Variants in HEATR1 observed in about 807,000 individuals in gnomAD.
HEATR1 encodes the protein HEAT repeat containing 1.
Under a neutral mutation model 248.2 loss-of-function variants are expected in HEATR1, and 77 were observed. That is an observed-to-expected ratio of 0.31 (90% CI 0.26 to 0.37). The LOEUF (loss-of-function observed/expected upper bound fraction) is 0.37, where lower values mean the gene tolerates loss of function less well. Among genes scored for constraint, HEATR1 ranks in the 10% least tolerant of loss-of-function variants. The pLI is 1.00. For synonymous variants in HEATR1, 897 were observed against 923.1 expected (o/e 0.97, Z 0.51); for missense variants, 2,420 against 2,504.9 (o/e 0.97, Z 0.72).
chr1:236,550,972 TCTA>T lies in HEATR1; in HGVS notation c.6362_6364del (p.Val2121del). The T allele has an allele frequency of 6.3e-7, 1 of 1,589,790 alleles. No homozygotes were observed. The highest frequency in any genetic ancestry group is 1.4e-5 in the African/African-American group (1 of 72,778). The stretch of plus-strand genomic sequence containing the variant: ...CTGAATAGTCTTTTGGCACTGATGT[TCTA>T]CTTCTTCACATTCATCTAAAAAAAA... On this transcript the variant is annotated inframe_deletion, in exon 45 of 45. Coordinates refer to ENST00000366582, the MANE Select transcript of HEATR1 (RefSeq NM_018072.6).
chr1:236,559,178 T>C (rs762508361), intron 34 of HEATR1, 43 bp from the exon 35 acceptor site: 1 of 1,347,466 alleles, frequency 7.4e-7, no homozygotes, highest in African/African-American at 1.5e-5. Context: ...AAAAACAAAT[T>C]AAAAAAAAAA....
Position 236,566,025 on chromosome 1 carries a change from G to C in HEATR1, c.4329C>G (p.Asp1443Glu), listed in dbSNP as rs369162017. The C allele has an allele frequency of 9.9e-6, 16 of 1,613,478 alleles. No individual in the cohort carries two copies. Among genetic ancestry groups the C allele is most frequent in the Non-Finnish European group, 1.4e-5 (16 of 1,179,808 alleles). Residue 1443 changes from aspartate (D) to glutamate (E), a missense_variant, in exon 31 of 45, where the codon GAC becomes GAG. Asp to Glu is a conservative substitution (Grantham distance 45). Coordinates refer to ENST00000366582, the MANE Select transcript of HEATR1 (RefSeq NM_018072.6). ...AACAGACTGAAAACCAAAATTCAGT[G>C]TCTGCTTCTAAAATAGCATCCTGTG... Reference protein sequence around the residue: ...YGEKDAILEADTEFWFSVCCE... With the variant: ...YGEKDAILEAETEFWFSVCCE...
In HEATR1 at chr1:236,571,608, G is replaced by A. The variant is rs764534691; in HGVS notation, c.3786C>T (p.Ile1262=). The change falls in exon 27 of 45, where the codon ATC becomes ATT. Residue 1262 remains isoleucine, a synonymous_variant. Coordinates refer to ENST00000366582, the MANE Select transcript of HEATR1 (RefSeq NM_018072.6). The part of the protein sequence containing the change: ...KQLILSCLLN[I]CQKLSPDGGK... ...CACCATCTGGAGATAGTTTTTGGCA[G>A]ATGTTGAGCAGACAACTAAGAATTA... 6.2e-7 allele frequency: 1 copy of A among 1,614,060 alleles called. No individual in the cohort carries two copies. The highest frequency in any genetic ancestry group is 2.2e-5 in the East Asian group (1 of 44,884).
At chr1:236,576,483 A>C in intron 21 of HEATR1, 106 bp from the exon 22 acceptor site, 1 of 884,492 alleles carries the variant, frequency 1.1e-6, no homozygotes, top group East Asian at 2.7e-5. Flanking sequence ...CATTGTTTAT[A>C]ATTTTCCATT....
At position 236,587,048 on chromosome 1, in the gene HEATR1, ATTTG is replaced by A. The variant is rs532284361; in HGVS notation, c.1715+350_1715+353del. On this transcript the variant is annotated intron_variant, in intron 14 of 44. Coordinates refer to ENST00000366582, the MANE Select transcript of HEATR1 (RefSeq NM_018072.6). ...CATGTGTCTCTGAACTTATTTTTTAATTTGTTTAACACATTGGTATTTGTTTTTA... is the reference window on the plus strand; with the variant it reads ...CATGTGTCTCTGAACTTATTTTTTAATTTAACACATTGGTATTTGTTTTTA... Among the ~76,000 whole-genome samples the A allele has an allele frequency of 8.1e-3, 1,240 of 152,254 alleles. 8 individuals are homozygous for A. The highest frequency in any genetic ancestry group is 0.012 in the Non-Finnish European group (841 of 67,966).
chr1:236,582,647 C>A, intron 19 of HEATR1, 89 bp downstream of exon 19: 1 of 1,374,038 alleles, frequency 7.3e-7, no homozygotes, highest in Non-Finnish European at 1.0e-6. Context: ...AAGTGATCCG[C>A]CTGCCTCGGC....
intron 28 of HEATR1, among the ~76,000 whole-genome samples, chr1:236,570,083 T>TC (rs1663382928): frequency 6.6e-6 from 1 of 151,916 alleles, no homozygotes; most frequent in Non-Finnish European, 1.5e-5. Flanking sequence ...CATCAGGAGA[T>TC]CGAGACCATC....
At chr1:236,575,562 AG>A (rs1663543625) in intron 22 of HEATR1, among the ~76,000 whole-genome samples, 1 of 152,216 alleles carries the variant, frequency 6.6e-6, no homozygotes, top group South Asian at 2.1e-4. Flanking sequence ...GGGACAACTA[AG>A]GGCTGAATGC....
intron 31 of HEATR1, 99 bp from the exon 32 acceptor site, chr1:236,564,760 G>T (rs1663224872): frequency 1.8e-6 from 2 of 1,129,472 alleles, no homozygotes; most frequent in Non-Finnish European, 2.5e-6. Context: ...CAATTAACGG[G>T]ATAACATTTT....
chr1:236,551,263 A>G (rs1227794773), intron 44 of HEATR1: 1 of 426,260 alleles, frequency 2.3e-6, no homozygotes, highest in African/African-American at 2.0e-5. Flanking sequence ...TTAGTAGCTC[A>G]CACCTCCCCC....
Position 236,595,576 on chromosome 1 carries a change from G to A in HEATR1, c.1054C>T (p.Pro352Ser), listed in dbSNP as rs764401410. 2.5e-6 allele frequency: 4 copies of A among 1,612,518 alleles called. No homozygotes were observed. The South Asian group carries it at 3.3e-5, about 13-fold the overall frequency. ...DVSPLLHYML[P>S]HLVVSIIHHV... is the part of the protein sequence containing the mutation. ...TGAATGATGGAGACGACCAGATGGG[G>A]AAGCATGTAATGCAGAAGAGGACTG... is the stretch of plus-strand genomic sequence containing the variant. Residue 352 changes from proline to serine, a missense_variant, in exon 8 of 45, where the codon CCC becomes TCC. Physicochemically the swap from Pro to Ser is moderately conservative, Grantham distance 74 (BLOSUM62 -1). Coordinates refer to ENST00000366582, the MANE Select transcript of HEATR1 (RefSeq NM_018072.6).
At chr1:236,586,190 TC>T in intron 15 of HEATR1, 50 bp downstream of exon 15, 1 of 1,434,206 alleles carries the variant, frequency 7.0e-7, no homozygotes, top group South Asian at 1.3e-5. Flanking sequence ...TTCCTTGTTT[TC>T]TTTTGTGTTA....
In HEATR1 at chr1:236,555,874, G is replaced by C; in HGVS notation, c.5580C>G (p.Leu1860=). 6.2e-7 allele frequency: 1 copy of C among 1,613,646 alleles called. No homozygotes were observed. The highest frequency in any genetic ancestry group is 8.5e-7 in the Non-Finnish European group (1 of 1,179,522). ...CGGTTAGCTGAGACTGATGGGAGGT[G>C]AGCTCTTCCTTCTTCATCACCCCAA... ...EHIGVMKKEE[L]TSHQSQLTAF... Residue 1860 remains leucine (L), a synonymous_variant, in exon 39 of 45, where the codon CTC becomes CTG. Coordinates refer to ENST00000366582, the MANE Select transcript of HEATR1 (RefSeq NM_018072.6).
chr1:236,574,475 C>T, intron 23 of HEATR1, 142 bp from the exon 24 acceptor site: 1 of 1,211,942 alleles, frequency 8.3e-7, no homozygotes, highest in Non-Finnish European at 1.1e-6. Flanking sequence ...TTTAATGACC[C>T]ATGTACAACG....
chr1:236,574,941 T>C (rs915515934), intron 22 of HEATR1, 38 bp from the exon 23 acceptor site: 11 of 1,587,200 alleles, frequency 6.9e-6, no homozygotes, highest in Admixed American at 3.6e-5. Context: ...TAGTTATGTA[T>C]ACTGATATGT....
In HEATR1 at chr1:236,598,214, C is replaced by G. The variant is rs376905970; in HGVS notation, c.502-235G>C. 1.4e-4 allele frequency among the ~76,000 whole-genome samples: 22 copies of G among 152,226 alleles called. No individual in the cohort carries two copies. The East Asian group carries it at 2.7e-3, about 19-fold the overall frequency. On this transcript the variant is annotated intron_variant, in intron 4 of 44. Coordinates refer to ENST00000366582, the MANE Select transcript of HEATR1 (RefSeq NM_018072.6). ...TATTTAGTGAAAGATGTTTGCTTAT[C>G]GTATGTCACATTTTGAAAGGTATTT...
chr1:236,581,215 T>C lies in HEATR1; in HGVS notation c.2755+7A>G, dbSNP rs775554449. The C allele has an allele frequency of 1.1e-5, 18 of 1,606,910 alleles. No homozygotes were observed. The highest frequency in any genetic ancestry group is 1.2e-5 in the Non-Finnish European group (14 of 1,173,910). On this transcript the variant is annotated splice_region_variant and intron_variant, in intron 20 of 44. Coordinates refer to ENST00000366582, the MANE Select transcript of HEATR1 (RefSeq NM_018072.6). ...ATGACAAAACATAACAATGCTACTT[T>C]TAATACCTGGAGAAGATATGGATGC...
At position 236,595,687 on chromosome 1, in the gene HEATR1, A is replaced by G; in HGVS notation, c.957-14T>C. ...TGAGGGAATGGCCTTTGAAGAAGCAAAAGTACATATCGTGTTGACTTTACA... is the reference window on the plus strand; with the variant it reads ...TGAGGGAATGGCCTTTGAAGAAGCAGAAGTACATATCGTGTTGACTTTACA... On this transcript the variant is annotated splice_polypyrimidine_tract_variant and intron_variant, in intron 7 of 44. Transcript: ENST00000366582. The G allele has an allele frequency of 6.2e-7, 1 of 1,608,180 alleles. No homozygotes were observed. Among genetic ancestry groups the G allele is most frequent in the South Asian group, 1.1e-5 (1 of 89,868 alleles).
At chr1:236,560,008 CAG>C (rs1663086045) in intron 33 of HEATR1, among the ~76,000 whole-genome samples, 171 bp from the exon 34 acceptor site, 1 of 147,186 alleles carries the variant, frequency 6.8e-6, no homozygotes, top group Non-Finnish European at 1.5e-5. Context: ...TTGCCATAGA[CAG>C]AGATCATCAA....
Sources: allele counts gnomAD v4.1 joint callset (sites outside exome capture counted in the v4.1 genomes callset), GRCh38; gene constraint gnomAD v4.1.1; transcripts MANE v1.5; gene names NCBI Gene and HGNC (gene_info 2026-07-23, HGNC 2026-07-21).